Variants in FBXW11 observed in about 807,000 individuals in gnomAD.
FBXW11 encodes the protein F-box/WD repeat-containing protein 11.
In FBXW11, 19 loss-of-function variants were observed where a neutral mutation model predicts 77.6. That is an observed-to-expected ratio of 0.24 (90% CI 0.17 to 0.36). The LOEUF (loss-of-function observed/expected upper bound fraction) is 0.36. Among genes scored for constraint, FBXW11 ranks in the 10% least tolerant of loss-of-function variants. The pLI is 1.00. For synonymous variants in FBXW11, 235 were observed against 249.4 expected (o/e 0.94, Z 0.54); for missense variants, 334 against 704.2 (o/e 0.47, Z 5.95).
At chr5:171,868,225 ATT>A (rs762719516) in intron 13 of FBXW11, 29 of 139,816 alleles carry the variant, frequency 2.1e-4, no homozygotes, top group Non-Finnish European at 1.9e-4. Flanking sequence ...TCAGATGGTG[ATT>A]TTTTTTTTTT....
intron 2 of FBXW11, among the ~76,000 whole-genome samples, chr5:171,937,116 C>T (rs1179473961): frequency 1.3e-5 from 2 of 152,266 alleles, no homozygotes; most frequent in South Asian, 2.1e-4. Flanking sequence ...ACTCAACATT[C>T]GAAAGATGAC....
intron 1 of FBXW11, among the ~76,000 whole-genome samples, chr5:171,961,604 C>A (rs990802753): frequency 1.3e-5 from 2 of 152,070 alleles, no homozygotes; most frequent in Non-Finnish European, 2.9e-5. Context: ...CCACATTCAT[C>A]AACCTAAGAG....
At chr5:171,944,501 G>A (rs1286635540) in intron 2 of FBXW11, among the ~76,000 whole-genome samples, 9 of 149,234 alleles carry the variant, frequency 6.0e-5, no homozygotes, top group East Asian at 3.9e-4. Flanking sequence ...CGTGAACCCC[G>A]GCAGGGCGGA....
chr5:171,949,177 G>A (rs1451969072), intron 2 of FBXW11, among the ~76,000 whole-genome samples: 1 of 152,202 alleles, frequency 6.6e-6, no homozygotes, highest in Non-Finnish European at 1.5e-5. Flanking sequence ...TACAGTTGTG[G>A]ATGATGAGCT....
At chr5:171,929,929 C>CA (rs936904016) in intron 2 of FBXW11, among the ~76,000 whole-genome samples, 77 of 151,688 alleles carry the variant, frequency 5.1e-4, no homozygotes, top group African/African-American at 1.6e-3. Context: ...CAAAGACTGA[C>CA]AAAAAAAATG....
intron 2 of FBXW11, among the ~76,000 whole-genome samples, chr5:171,921,765 G>GTTCCA (rs2113986912): frequency 6.6e-6 from 1 of 152,176 alleles, no homozygotes; most frequent in East Asian, 1.9e-4. Context: ...AAGAGTCAGG[G>GTTCCA]TTCCACTTTG....
At chr5:171,910,421 A>T (rs1760808747) in intron 4 of FBXW11, 151 bp downstream of exon 4, 2 of 542,970 alleles carry the variant, frequency 3.7e-6, no homozygotes, top group South Asian at 6.0e-5. Flanking sequence ...ATACTAAATT[A>T]TAATTCCTCG....
At chr5:171,961,356 A>C (rs563870408) in intron 1 of FBXW11, among the ~76,000 whole-genome samples, 1 of 152,346 alleles carries the variant, frequency 6.6e-6, no homozygotes, top group African/African-American at 2.4e-5. Flanking sequence ...CAGTGGTTAA[A>C]AAGTATTACA....
chr5:171,863,795 G>A lies in FBXW11; in HGVS notation c.*332C>T, dbSNP rs749357999. The A allele has an allele frequency of 7.2e-5, 11 of 152,680 alleles. No individual in the cohort carries two copies. Among genetic ancestry groups the A allele is most frequent in the South Asian group, 4.1e-4 (2 of 4,824 alleles). 9.5% of individuals were successfully genotyped at this position (152,680 alleles called of 1,614,324 possible). On this transcript the variant is annotated 3_prime_UTR_variant, in exon 14 of 14. Coordinates refer to ENST00000517395, the MANE Select transcript of FBXW11 (RefSeq NM_001378974.1). Reference sequence around the variant, plus strand: ...ATTAGAGGCCAAGTCTTCTCTTGACGGTCGATTTACTTCTGTAAAACAGAT... The same window carrying A: ...ATTAGAGGCCAAGTCTTCTCTTGACAGTCGATTTACTTCTGTAAAACAGAT...
intron 2 of FBXW11, among the ~76,000 whole-genome samples, chr5:171,931,224 T>C (rs1035004743): frequency 6.6e-6 from 1 of 152,070 alleles, no homozygotes; most frequent in African/African-American, 2.4e-5. Flanking sequence ...AATAAATAAA[T>C]AATAACAAAC....
chr5:171,872,662 T>C (rs1215063195), intron 10 of FBXW11, among the ~76,000 whole-genome samples: 1 of 152,204 alleles, frequency 6.6e-6, no homozygotes, highest in African/African-American at 2.4e-5. Context: ...AAACTTTGTG[T>C]ACTGGGGGAA....
chr5:171,945,593 G>A (rs1762966105), intron 2 of FBXW11, among the ~76,000 whole-genome samples: 1 of 152,104 alleles, frequency 6.6e-6, no homozygotes, highest in South Asian at 2.1e-4. Context: ...CTCATTAACT[G>A]TAAGTTCCCT....
At chr5:171,972,617 T>A (rs910063815) in intron 1 of FBXW11, among the ~76,000 whole-genome samples, 1 of 148,814 alleles carries the variant, frequency 6.7e-6, no homozygotes. Flanking sequence ...CGATCTTGGC[T>A]CACTGCAACC....
At chr5:171,958,993 C>T (rs1368277674) in intron 1 of FBXW11, among the ~76,000 whole-genome samples, 1 of 151,380 alleles carries the variant, frequency 6.6e-6, no homozygotes, top group Non-Finnish European at 1.5e-5. Flanking sequence ...TATTATCACC[C>T]AACTGCAATA....
chr5:171,924,174 G>A (rs893986657), intron 2 of FBXW11, among the ~76,000 whole-genome samples: 4 of 151,596 alleles, frequency 2.6e-5, no homozygotes, highest in Non-Finnish European at 4.4e-5. Context: ...CACCCACATC[G>A]GCCTCCCAAA....
chr5:171,920,153 ACT>A (rs1761508282), intron 2 of FBXW11, among the ~76,000 whole-genome samples: 2 of 151,544 alleles, frequency 1.3e-5, no homozygotes, highest in Admixed American at 6.6e-5. Context: ...ACAGAGCGAG[ACT>A]CTGTCTCAAA....
At chr5:171,942,620 T>C (rs1189890614) in intron 2 of FBXW11, among the ~76,000 whole-genome samples, 4 of 152,000 alleles carry the variant, frequency 2.6e-5, no homozygotes, top group Non-Finnish European at 5.9e-5. Context: ...GGCAACACAG[T>C]GAAACCCCGT....
intron 2 of FBXW11, among the ~76,000 whole-genome samples, chr5:171,933,939 G>A (rs1581222428): frequency 6.6e-6 from 1 of 152,134 alleles, no homozygotes; most frequent in African/African-American, 2.4e-5. Context: ...GAAAAACAGA[G>A]AGAACTAAAC....
At chr5:172,001,000 T>C (rs1355801884) in intron 1 of FBXW11, among the ~76,000 whole-genome samples, 1 of 152,224 alleles carries the variant, frequency 6.6e-6, no homozygotes, top group Non-Finnish European at 1.5e-5. Flanking sequence ...AACCAGTCTC[T>C]GAGTTCTATG....
Sources: allele counts gnomAD v4.1 joint callset (sites outside exome capture counted in the v4.1 genomes callset), GRCh38; gene constraint gnomAD v4.1.1; transcripts MANE v1.5; gene names NCBI Gene and HGNC (gene_info 2026-07-23, HGNC 2026-07-21).